EEFSEC: variants seen among roughly 807,000 people sequenced by gnomAD.
EEFSEC encodes selenocysteine-specific elongation factor.
A neutral mutation model predicts 42.1 loss-of-function variants in EEFSEC; 43 were observed. That is an observed-to-expected ratio of 1.02 (90% CI 0.80 to 1.32). The LOEUF (loss-of-function observed/expected upper bound fraction) is 1.32, where lower values mean the gene tolerates loss of function less well. Ranked by LOEUF, EEFSEC falls within the 40% of genes most tolerant of loss-of-function variation. EEFSEC has a pLI of 0.00. For missense variants in EEFSEC, 745 were observed against 803.6 expected (o/e 0.93, Z 0.88); for synonymous variants, 354 against 339.1 (o/e 1.04, Z -0.48).
intron 1 of EEFSEC, among the ~76,000 whole-genome samples, chr3:128,226,568 C>T (rs534078525): frequency 1.0e-3 from 153 of 152,326 alleles, no homozygotes; most frequent in African/African-American, 3.5e-3. Context: ...TGAATGGCCC[C>T]TTCCCTTAGC....
At chr3:128,164,853 C>CT (rs1221524190) in intron 1 of EEFSEC, among the ~76,000 whole-genome samples, 1 of 152,146 alleles carries the variant, frequency 6.6e-6, no homozygotes, top group African/African-American at 2.4e-5. Flanking sequence ...CTCCCTGAGT[C>CT]TGAGGAGAGG....
intron 1 of EEFSEC, among the ~76,000 whole-genome samples, chr3:128,230,818 C>T (rs910765597): frequency 6.6e-6 from 1 of 152,172 alleles, no homozygotes; most frequent in Non-Finnish European, 1.5e-5. Context: ...ACCTTGCCCT[C>T]ACTCTCAAGG....
At chr3:128,407,655 T>C (rs999282463) in intron 6 of EEFSEC, among the ~76,000 whole-genome samples, 13 of 152,186 alleles carry the variant, frequency 8.5e-5, no homozygotes, top group Non-Finnish European at 1.5e-4. Context: ...CTGGTCGTGC[T>C]GTCTGCAGGG....
intron 1 of EEFSEC, among the ~76,000 whole-genome samples, chr3:128,184,769 G>C (rs1280177389): frequency 6.6e-6 from 1 of 152,066 alleles, no homozygotes; most frequent in African/African-American, 2.4e-5. Context: ...GTATTACACT[G>C]TTTGCATATT....
At chr3:128,296,338 C>T (rs2066705949) in intron 4 of EEFSEC, among the ~76,000 whole-genome samples, 1 of 152,114 alleles carries the variant, frequency 6.6e-6, no homozygotes, top group African/African-American at 2.4e-5. Context: ...CTGGCCACCC[C>T]ATGTAGCTAA....
chr3:128,267,486 G>A (rs1005098479), intron 4 of EEFSEC, among the ~76,000 whole-genome samples: 15 of 152,212 alleles, frequency 9.9e-5, no homozygotes, highest in African/African-American at 2.4e-5. Flanking sequence ...GCAATGTACT[G>A]AGACATTTGG....
intron 4 of EEFSEC, among the ~76,000 whole-genome samples, chr3:128,325,017 A>G (rs566995846): frequency 6.6e-6 from 1 of 152,320 alleles, no homozygotes; most frequent in Non-Finnish European, 1.5e-5. Flanking sequence ...ACAAAGAGAG[A>G]TAACGGCCAG....
chr3:128,190,083 G>C (rs372772038), intron 1 of EEFSEC, among the ~76,000 whole-genome samples: 3 of 152,132 alleles, frequency 2.0e-5, no homozygotes, highest in Middle Eastern at 3.4e-3. Context: ...GGCTGGTCTC[G>C]AACTCCTGAG....
chr3:128,169,676 T>C (rs1345976638), intron 1 of EEFSEC, among the ~76,000 whole-genome samples: 1 of 152,204 alleles, frequency 6.6e-6, no homozygotes, highest in African/African-American at 2.4e-5. Context: ...TGTGATTGTG[T>C]TTGGTCATTA....
intron 1 of EEFSEC, among the ~76,000 whole-genome samples, chr3:128,212,451 G>A (rs1362593722): frequency 6.6e-6 from 1 of 152,202 alleles, no homozygotes; most frequent in African/African-American, 2.4e-5. Context: ...GCCCCAGAGG[G>A]CTCTTGTTGG....
chr3:128,327,296 C>G (rs927529831), intron 4 of EEFSEC, among the ~76,000 whole-genome samples: 7 of 149,688 alleles, frequency 4.7e-5, no homozygotes, highest in South Asian at 2.2e-4. Flanking sequence ...TCCCATCCCC[C>G]CCCCCCCAAG....
chr3:128,282,058 G>A (rs980500908), intron 4 of EEFSEC, among the ~76,000 whole-genome samples: 5 of 152,338 alleles, frequency 3.3e-5, no homozygotes, highest in South Asian at 2.1e-4. Flanking sequence ...CACAGGTCCC[G>A]TGCTCCCCAC....
At chr3:128,341,910 C>T (rs1449250092) in intron 5 of EEFSEC, 21 bp downstream of exon 5, 5 of 1,600,950 alleles carry the variant, frequency 3.1e-6, no homozygotes, top group Non-Finnish European at 4.3e-6. Context: ...CCTTGCCTGG[C>T]CCCACACCCC....
intron 6 of EEFSEC, among the ~76,000 whole-genome samples, chr3:128,401,196 T>C (rs2068044583): frequency 6.6e-6 from 1 of 152,180 alleles, no homozygotes; most frequent in African/African-American, 2.4e-5. Flanking sequence ...AGCCTGGACT[T>C]CTTTCTCCCT....
intron 1 of EEFSEC, among the ~76,000 whole-genome samples, chr3:128,177,212 C>CT (rs935953409): frequency 1.3e-4 from 19 of 151,492 alleles, no homozygotes; most frequent in Middle Eastern, 3.4e-3. Context: ...TTTTGGAAAG[C>CT]TTTTTTTTGT....
chr3:128,330,676 T>TACTG (rs1318034835), intron 4 of EEFSEC, among the ~76,000 whole-genome samples: 1 of 152,008 alleles, frequency 6.6e-6, no homozygotes, highest in Non-Finnish European at 1.5e-5. Context: ...GCAAGGGCCT[T>TACTG]ACTGACGCTT....
At chr3:128,409,562 C>T (rs2068159251), downstream of EEFSEC, among the ~76,000 whole-genome samples, 2 of 152,228 alleles carry the variant, frequency 1.3e-5, no homozygotes, top group African/African-American at 2.4e-5. Flanking sequence ...CAGCTGAGAG[C>T]CATGGGGAAG....
At chr3:128,156,789 CCTGT>C (rs1944388436) in intron 1 of EEFSEC, among the ~76,000 whole-genome samples, 1 of 152,152 alleles carries the variant, frequency 6.6e-6, no homozygotes, top group African/African-American at 2.4e-5. Context: ...TGGCTTTTTC[CCTGT>C]CTGTCTCCCT....
At chr3:128,286,063 GC>G (rs1176183069) in intron 4 of EEFSEC, among the ~76,000 whole-genome samples, 7 of 152,220 alleles carry the variant, frequency 4.6e-5, no homozygotes, top group African/African-American at 1.7e-4. Flanking sequence ...AAATGGTGAC[GC>G]TCTGTGTGTA....
Sources: allele counts gnomAD v4.1 joint callset (sites outside exome capture counted in the v4.1 genomes callset), GRCh38; gene constraint gnomAD v4.1.1; transcripts MANE v1.5; gene names NCBI Gene and HGNC (gene_info 2026-07-23, HGNC 2026-07-21).